STAT4: variants seen among roughly 807,000 people sequenced by gnomAD.
The protein encoded by STAT4 is signal transducer and activator of transcription 4.
STAT4 carries 42 observed loss-of-function variants against 110.5 expected under a neutral mutation model. The observed-to-expected ratio is 0.38, with a 90% CI of 0.30 to 0.49. The LOEUF (loss-of-function observed/expected upper bound fraction) is 0.49. Ranked by LOEUF, STAT4 falls within the 20% of genes least tolerant of loss-of-function variation. STAT4 has a pLI of 0.95. For missense variants in STAT4, 632 were observed against 887.9 expected (o/e 0.71, Z 3.66); for synonymous variants, 284 against 302.2 (o/e 0.94, Z 0.63).
intron 3 of STAT4, among the ~76,000 whole-genome samples, chr2:191,097,076 C>A (rs1022307652): frequency 6.6e-6 from 1 of 152,076 alleles, no homozygotes; most frequent in Admixed American, 6.5e-5. Flanking sequence ...ATGTGAAGGA[C>A]CTCTTCAAGG....
intron 5 of STAT4, among the ~76,000 whole-genome samples, chr2:191,072,846 A>G (rs1271516985): frequency 2.0e-5 from 3 of 152,242 alleles, no homozygotes; most frequent in African/African-American, 7.2e-5. Context: ...GGAAAAACAC[A>G]AATTACCAAA....
intron 3 of STAT4, among the ~76,000 whole-genome samples, chr2:191,103,694 T>G (rs13407419): frequency 0.089 from 13,533 of 152,230 alleles, 626 homozygotes; most frequent in Middle Eastern, 0.12. Context: ...TATGGTGTCC[T>G]CTTCATTTTT....
chr2:191,069,977 A>C (rs1697096409), intron 5 of STAT4, among the ~76,000 whole-genome samples: 1 of 152,140 alleles, frequency 6.6e-6, no homozygotes, highest in South Asian at 2.1e-4. Flanking sequence ...CCTTCCAGCT[A>C]TTCTCTCTTT....
intron 3 of STAT4, among the ~76,000 whole-genome samples, chr2:191,093,087 C>A (rs1697849104): frequency 6.6e-6 from 1 of 152,198 alleles, no homozygotes. Context: ...GCAAGGCCTG[C>A]TGCCTCTGTA....
intron 3 of STAT4, among the ~76,000 whole-genome samples, chr2:191,096,096 A>C (rs1324179703): frequency 6.6e-6 from 1 of 152,200 alleles, no homozygotes; most frequent in Admixed American, 6.5e-5. Flanking sequence ...GAATAGACCA[A>C]TAACAGGCTC....
chr2:191,149,130 G>A (rs916622695), intron 1 of STAT4, among the ~76,000 whole-genome samples: 42 of 152,108 alleles, frequency 2.8e-4, no homozygotes, highest in African/African-American at 9.2e-4. Flanking sequence ...CAAATTTTTG[G>A]TTGTTTTCTC....
At chr2:191,094,190 C>T (rs13032013) in intron 3 of STAT4, among the ~76,000 whole-genome samples, 1 of 152,148 alleles carries the variant, frequency 6.6e-6, no homozygotes, top group Non-Finnish European at 1.5e-5. Context: ...GGAGAACTTT[C>T]CCAACCTAGG....
chr2:191,137,102 G>A (rs1315642293), intron 3 of STAT4, among the ~76,000 whole-genome samples: 1 of 152,166 alleles, frequency 6.6e-6, no homozygotes, highest in African/African-American at 2.4e-5. Flanking sequence ...CAGGACTTTG[G>A]GAGGCCAAGG....
intron 5 of STAT4, among the ~76,000 whole-genome samples, chr2:191,072,738 G>T (rs1697202522): frequency 6.6e-6 from 1 of 152,132 alleles, no homozygotes; most frequent in African/African-American, 2.4e-5. Context: ...AATGAGAGAT[G>T]TGATGTTACT....
chr2:191,147,313 T>C lies in STAT4; in HGVS notation c.129-556A>G, dbSNP rs773056531. On this transcript the variant is annotated intron_variant, in intron 2 of 23. Coordinates refer to ENST00000392320, the MANE Select transcript of STAT4 (RefSeq NM_003151.4). This position sits in a 1 kb window ranked among gnomAD's most constrained non-coding sequence, Gnocchi z 4.1. ...GTGATATATACAAACAATGGAATATTATTGAGCTTCAAAAAGGAAGAAAAT... is the reference window on the plus strand; with the variant it reads ...GTGATATATACAAACAATGGAATATCATTGAGCTTCAAAAAGGAAGAAAAT... Among the ~76,000 whole-genome samples, 5 of 152,206 alleles carry C rather than the reference T, an allele frequency of 3.3e-5. No individual in the cohort carries two copies. The highest frequency in any genetic ancestry group is 5.9e-5 in the Non-Finnish European group (4 of 68,032).
intron 3 of STAT4, among the ~76,000 whole-genome samples, chr2:191,084,197 G>A (rs1697567171): frequency 6.6e-6 from 1 of 152,030 alleles, no homozygotes; most frequent in Non-Finnish European, 1.5e-5. Flanking sequence ...AGGAGGCAGA[G>A]GTTGCAGTGA....
chr2:191,092,121 G>A (rs1290044553), intron 3 of STAT4, among the ~76,000 whole-genome samples: 2 of 152,128 alleles, frequency 1.3e-5, no homozygotes, highest in Non-Finnish European at 2.9e-5. Context: ...ATTCCATGTA[G>A]AAGCCCGGGC....
At position 191,083,157 on chromosome 2, in the gene STAT4, A is replaced by G. The variant is rs1697535538; in HGVS notation, c.274-6832T>C. Among the ~76,000 whole-genome samples, 2 of 152,220 alleles carry G rather than the reference A, an allele frequency of 1.3e-5. No homozygotes were observed. The highest frequency in any genetic ancestry group is 2.4e-5 in the African/African-American group (1 of 41,472). On this transcript the variant is annotated intron_variant, in intron 3 of 23. Transcript: ENST00000392320. The surrounding 1 kb of genome is among the most constrained non-coding windows in gnomAD (Gnocchi z 4.6). ...TTCTTCAGAAACTGACCTTGAGACA[A>G]GGATTCCAGTGCAAGTCGTTTAAGT...
intron 3 of STAT4, among the ~76,000 whole-genome samples, chr2:191,126,209 T>A (rs1462631596): frequency 6.6e-6 from 1 of 152,238 alleles, no homozygotes; most frequent in Non-Finnish European, 1.5e-5. Context: ...TAACAAAATT[T>A]ATATTAAAAT....
Position 191,058,102 on chromosome 2 carries a change from T to C in STAT4, c.1122A>G (p.Arg374=). ...DKNVSTLSNR[R]FVLCGTNVKA... is the part of the protein sequence containing the mutation. ...TGACATTAGTTCCACAAAGTACAAA[T>C]CTTCGGTTGCTGGAGAGGAAATCTT... The change falls in exon 13 of 24, where the codon AGA becomes AGG. Residue 374 remains arginine (R), a synonymous_variant. Coordinates refer to ENST00000392320, the MANE Select transcript of STAT4 (RefSeq NM_003151.4). This position sits in a 1 kb window ranked among gnomAD's most constrained non-coding sequence, Gnocchi z 4.3. The C allele has an allele frequency of 1.9e-6, 3 of 1,614,020 alleles. No homozygotes were observed. Among genetic ancestry groups the C allele is most frequent in the Non-Finnish European group, 2.5e-6 (3 of 1,179,948 alleles).
Position 191,061,563 on chromosome 2 carries a change from A to G in STAT4, c.1034+166T>C, listed in dbSNP as rs1696849827. Among the ~76,000 whole-genome samples the G allele has an allele frequency of 6.6e-6, 1 of 152,198 alleles. No individual in the cohort carries two copies. The highest frequency in any genetic ancestry group is 1.5e-5 in the Non-Finnish European group (1 of 68,036). On this transcript the variant is annotated intron_variant, in intron 10 of 23. Transcript: ENST00000392320. This position sits in a 1 kb window ranked among gnomAD's most constrained non-coding sequence, Gnocchi z 6.2. ...CATGCTCTTGACAAGCAGGGCTCTCATCTTCACATTTCTGTGGGTATTTCC... is the reference window on the plus strand; with the variant it reads ...CATGCTCTTGACAAGCAGGGCTCTCGTCTTCACATTTCTGTGGGTATTTCC...
chr2:191,124,453 CAAAAAAAAAA>C (rs34438452), intron 3 of STAT4, among the ~76,000 whole-genome samples: 1 of 71,228 alleles, frequency 1.4e-5, no homozygotes, highest in South Asian at 5.2e-4. Context: ...GACGCCGTCT[CAAAAAAAAAA>C]AAAAAAAAAA....
Position 191,051,499 on chromosome 2 carries a change from G to C in STAT4, c.1251+2991C>G, listed in dbSNP as rs1488660292. 6.6e-6 allele frequency among the ~76,000 whole-genome samples: 1 copy of C among 152,244 alleles called. No individual in the cohort carries two copies. The highest frequency in any genetic ancestry group is 1.9e-4 in the East Asian group (1 of 5,204). ...CTTGTGCAAGCTCAGATTGCCTGAA[G>C]AGGCAAAAACCAACACTGCTAACTC... On this transcript the variant is annotated intron_variant, in intron 14 of 23. Coordinates refer to ENST00000392320, the MANE Select transcript of STAT4 (RefSeq NM_003151.4). This position sits in a 1 kb window ranked among gnomAD's most constrained non-coding sequence, Gnocchi z 5.6.
chr2:191,105,789 G>T (rs1197987906), intron 3 of STAT4, among the ~76,000 whole-genome samples: 2 of 152,202 alleles, frequency 1.3e-5, no homozygotes, highest in African/African-American at 4.8e-5. Context: ...ATCTGGCTTG[G>T]TCAGATGAAC....
Sources: allele counts gnomAD v4.1 joint callset (sites outside exome capture counted in the v4.1 genomes callset), GRCh38; gene constraint gnomAD v4.1.1; non-coding constraint Gnocchi (gnomAD v3.1); transcripts MANE v1.5; gene names NCBI Gene and HGNC (gene_info 2026-07-23, HGNC 2026-07-21).